CSMD1: variants seen among roughly 807,000 people sequenced by gnomAD.
CSMD1 encodes CUB and Sushi multiple domains 1.
Under a neutral mutation model 417.5 loss-of-function variants are expected in CSMD1, and 213 were observed. The observed-to-expected ratio is 0.51, with a 90% CI of 0.46 to 0.57. The LOEUF (loss-of-function observed/expected upper bound fraction) is 0.57, where lower values mean the gene tolerates loss of function less well. CSMD1 is among the 20% of genes least tolerant of loss of function. CSMD1 has a pLI of 0.00. For missense variants in CSMD1, 6,923 were observed against 4,529.7 expected, an observed-to-expected ratio of 1.53 and a Z score of -15.17; for synonymous variants, 2,862 against 1,736.8, an observed-to-expected ratio of 1.65 and a Z score of -16.11.
In CSMD1 at chr8:3,139,533, T is replaced by C. The variant is rs530219567; in HGVS notation, c.6241+2932A>G. Among the ~76,000 whole-genome samples, 7 of 152,256 alleles carry C rather than the reference T, an allele frequency of 4.6e-5. No homozygotes were observed. The South Asian group carries it at 6.2e-4, about 14-fold the overall frequency. On this transcript the variant is annotated intron_variant, in intron 41 of 69. Transcript: ENST00000635120. ...CTCCTGCAATAGAAGATCTTGTCGATAGAAGACCCCATCATGTTAGACACC... is the reference window on the plus strand; with the variant it reads ...CTCCTGCAATAGAAGATCTTGTCGACAGAAGACCCCATCATGTTAGACACC...
At chr8:3,788,005 G>A (rs145761725) in intron 5 of CSMD1, among the ~76,000 whole-genome samples, 1 of 152,160 alleles carries the variant, frequency 6.6e-6, no homozygotes, top group East Asian at 1.9e-4. Flanking sequence ...TAGACCAAGA[G>A]TAAAAAAGAG....
At chr8:4,144,052 G>T (rs1249857167) in intron 3 of CSMD1, among the ~76,000 whole-genome samples, 1 of 151,174 alleles carries the variant, frequency 6.6e-6, no homozygotes, top group African/African-American at 2.5e-5. Flanking sequence ...TTTGTTGTTA[G>T]GAAATGGGGA....
At chr8:4,110,314 A>G (rs1010713128) in intron 3 of CSMD1, among the ~76,000 whole-genome samples, 4 of 152,154 alleles carry the variant, frequency 2.6e-5, no homozygotes, top group African/African-American at 4.8e-5. Context: ...ACCATTTCCC[A>G]GGAACTTGTG....
intron 6 of CSMD1, among the ~76,000 whole-genome samples, chr8:3,726,754 AT>A (rs1374496986): frequency 2.0e-5 from 3 of 152,158 alleles, no homozygotes; most frequent in Non-Finnish European, 4.4e-5. Flanking sequence ...TCCAGTTCTC[AT>A]TCCTGAGCCT....
intron 5 of CSMD1, among the ~76,000 whole-genome samples, chr8:3,759,141 G>A (rs548632966): frequency 1.1e-3 from 170 of 152,286 alleles, no homozygotes; most frequent in Middle Eastern, 3.4e-3. Flanking sequence ...TTAAGTCATT[G>A]TATTTGTGTT....
At chr8:3,601,287 A>T (rs1801349263) in intron 8 of CSMD1, among the ~76,000 whole-genome samples, 1 of 152,216 alleles carries the variant, frequency 6.6e-6, no homozygotes, top group Non-Finnish European at 1.5e-5. Context: ...GCTGCGGGGA[A>T]ACAAATCAGC....
At chr8:4,156,265 G>T (rs1366241629) in intron 3 of CSMD1, among the ~76,000 whole-genome samples, 1 of 152,074 alleles carries the variant, frequency 6.6e-6, no homozygotes, top group Non-Finnish European at 1.5e-5. Context: ...TTTTAATTAT[G>T]GCTAAAGAGT....
chr8:3,722,621 T>C (rs1802251824), intron 6 of CSMD1, among the ~76,000 whole-genome samples: 1 of 152,148 alleles, frequency 6.6e-6, no homozygotes, highest in African/African-American at 2.4e-5. Flanking sequence ...AAAGTCCCCA[T>C]TAGTAAAACT....
At chr8:4,415,209 C>G (rs1796866071) in intron 3 of CSMD1, among the ~76,000 whole-genome samples, 2 of 152,142 alleles carry the variant, frequency 1.3e-5, no homozygotes, top group African/African-American at 4.8e-5. Flanking sequence ...TCAGGATCAT[C>G]CGCCTCCGCT....
At chr8:3,925,592 T>G (rs1230095281) in intron 5 of CSMD1, among the ~76,000 whole-genome samples, 1 of 152,104 alleles carries the variant, frequency 6.6e-6, no homozygotes, top group Non-Finnish European at 1.5e-5. Flanking sequence ...GAGACCAGTC[T>G]TTCCCCTACT....
intron 1 of CSMD1, among the ~76,000 whole-genome samples, chr8:4,662,683 G>C (rs1010673490): frequency 6.6e-6 from 1 of 152,132 alleles, no homozygotes; most frequent in Non-Finnish European, 1.5e-5. Context: ...TCTACTTTCA[G>C]GAGCATTTGT....
At chr8:3,678,932 A>G (rs1799515700) in intron 7 of CSMD1, among the ~76,000 whole-genome samples, 2 of 152,184 alleles carry the variant, frequency 1.3e-5, no homozygotes, top group African/African-American at 4.8e-5. Context: ...ATATCCAGCC[A>G]AATTAAGCTT....
At chr8:4,202,181 T>C (rs904524221) in intron 3 of CSMD1, among the ~76,000 whole-genome samples, 4 of 152,174 alleles carry the variant, frequency 2.6e-5, no homozygotes, top group African/African-American at 9.7e-5. Flanking sequence ...GTGTTAGTAT[T>C]ATTACTCTTA....
At chr8:4,158,532 T>G (rs1297593336) in intron 3 of CSMD1, among the ~76,000 whole-genome samples, 1 of 152,116 alleles carries the variant, frequency 6.6e-6, no homozygotes, top group Non-Finnish European at 1.5e-5. Context: ...ACAGTAATAT[T>G]AACACAGCCG....
At chr8:4,410,240 C>G (rs995952189) in intron 3 of CSMD1, among the ~76,000 whole-genome samples, 4 of 152,154 alleles carry the variant, frequency 2.6e-5, no homozygotes, top group Non-Finnish European at 5.9e-5. Context: ...AAGCCTCATG[C>G]CAACTCTCTA....
intron 48 of CSMD1, among the ~76,000 whole-genome samples, chr8:3,087,856 G>A (rs761135153): frequency 6.6e-6 from 1 of 152,210 alleles, no homozygotes; most frequent in Admixed American, 6.5e-5. Context: ...AAGTGATAGG[G>A]TACTGCACAA....
At chr8:4,027,447 A>T (rs1050376531) in intron 4 of CSMD1, among the ~76,000 whole-genome samples, 3 of 152,040 alleles carry the variant, frequency 2.0e-5, no homozygotes, top group Non-Finnish European at 4.4e-5. Flanking sequence ...TGGGTCCTCC[A>T]TGCTGTTCTT....
At chr8:4,979,610 A>G (rs1810763863) in intron 1 of CSMD1, among the ~76,000 whole-genome samples, 1 of 152,244 alleles carries the variant, frequency 6.6e-6, no homozygotes, top group Non-Finnish European at 1.5e-5. Flanking sequence ...AAATCTAAAA[A>G]TGCAATTGTC....
At chr8:3,623,744 G>A (rs1796367410) in intron 7 of CSMD1, among the ~76,000 whole-genome samples, 1 of 152,118 alleles carries the variant, frequency 6.6e-6, no homozygotes, top group Non-Finnish European at 1.5e-5. Context: ...GGGAGGCCAA[G>A]GCAGGCAGAT....
Sources: allele counts gnomAD v4.1 joint callset (sites outside exome capture counted in the v4.1 genomes callset), GRCh38; gene constraint gnomAD v4.1.1; transcripts MANE v1.5; gene names NCBI Gene and HGNC (gene_info 2026-07-23, HGNC 2026-07-21).